Variants in LUZP2 observed in about 807,000 individuals in gnomAD.
LUZP2 encodes the protein leucine zipper protein 2.
In LUZP2, 52 loss-of-function variants were observed where a neutral mutation model predicts 51.6. That is an observed-to-expected ratio of 1.01 (90% CI 0.81 to 1.27). The LOEUF (loss-of-function observed/expected upper bound fraction) is 1.27, where lower values mean the gene tolerates loss of function less well. Among genes scored for constraint, LUZP2 ranks in the 50% most tolerant of loss-of-function variants. The pLI, the probability that LUZP2 is intolerant of heterozygous loss-of-function variation, is 0.00. For synonymous variants in LUZP2, 154 were observed against 137.3 expected, an observed-to-expected ratio of 1.12 and a Z score of -0.85; for missense variants, 436 against 395.4, an observed-to-expected ratio of 1.10 and a Z score of -0.87.
At chr11:24,637,372 A>G (rs1342136440) in intron 1 of LUZP2, among the ~76,000 whole-genome samples, 1 of 151,846 alleles carries the variant, frequency 6.6e-6, no homozygotes, top group Non-Finnish European at 1.5e-5. Flanking sequence ...AGTTAACTGT[A>G]CAAATTGTTG....
chr11:25,008,265 G>T (rs1407479164), intron 9 of LUZP2, among the ~76,000 whole-genome samples: 7 of 152,184 alleles, frequency 4.6e-5, no homozygotes, highest in African/African-American at 1.7e-4. Context: ...TTTCATGTTG[G>T]TCAATGGTGG....
chr11:24,691,311 C>A (rs1397367008), intron 1 of LUZP2, among the ~76,000 whole-genome samples: 1 of 151,970 alleles, frequency 6.6e-6, no homozygotes, highest in African/African-American at 2.4e-5. Flanking sequence ...TTTACATATT[C>A]ATCTCTAAGC....
At chr11:24,601,052 C>T (rs978769701) in intron 1 of LUZP2, among the ~76,000 whole-genome samples, 1 of 151,996 alleles carries the variant, frequency 6.6e-6, no homozygotes, top group African/African-American at 2.4e-5. Context: ...AAACCTTTCT[C>T]TTAGATGAAA....
intron 1 of LUZP2, among the ~76,000 whole-genome samples, chr11:24,602,054 A>G (rs1441490656): frequency 2.1e-5 from 3 of 143,958 alleles, no homozygotes; most frequent in Non-Finnish European, 4.5e-5. Context: ...ATATATGTGT[A>G]TATATGTGTA....
At chr11:24,662,537 A>G (rs1352394533) in intron 1 of LUZP2, among the ~76,000 whole-genome samples, 1 of 152,136 alleles carries the variant, frequency 6.6e-6, no homozygotes, top group African/African-American at 2.4e-5. Context: ...ACATCATTCT[A>G]TAAAGTTTTC....
At chr11:25,049,578 TTAATA>T (rs1315254882) in intron 9 of LUZP2, among the ~76,000 whole-genome samples, 2 of 152,120 alleles carry the variant, frequency 1.3e-5, no homozygotes, top group Non-Finnish European at 2.9e-5. Context: ...CATATTGGAG[TTAATA>T]TAATCCACTA....
intron 10 of LUZP2, among the ~76,000 whole-genome samples, chr11:25,073,959 C>T (rs753309831): frequency 7.9e-5 from 12 of 152,026 alleles, no homozygotes; most frequent in African/African-American, 1.2e-4. Flanking sequence ...CCAAAGAACC[C>T]GAAGCCCAGC....
intron 1 of LUZP2, among the ~76,000 whole-genome samples, chr11:24,708,680 T>C (rs1857699272): frequency 6.6e-6 from 1 of 152,192 alleles, no homozygotes; most frequent in South Asian, 2.1e-4. Flanking sequence ...AAGAGATTCT[T>C]ATTCAGAAGC....
At chr11:25,014,891 A>G (rs1857102447) in intron 9 of LUZP2, among the ~76,000 whole-genome samples, 1 of 152,118 alleles carries the variant, frequency 6.6e-6, no homozygotes, top group Admixed American at 6.6e-5. Flanking sequence ...TAAGTCTAAC[A>G]TTTAAGTCTT....
intron 5 of LUZP2, among the ~76,000 whole-genome samples, chr11:24,766,936 A>G (rs1243212685): frequency 1.3e-5 from 2 of 151,942 alleles, no homozygotes; most frequent in African/African-American, 4.8e-5. Context: ...TAATTTCTAT[A>G]TTTTTAGTAG....
chr11:24,830,641 C>T (rs974060982), intron 5 of LUZP2, among the ~76,000 whole-genome samples: 7 of 151,928 alleles, frequency 4.6e-5, no homozygotes, highest in Non-Finnish European at 8.8e-5. Flanking sequence ...CTATTATTAC[C>T]GCAATTTTAG....
rs570690789 is a variant in LUZP2 at position 24,711,408 on chromosome 11, T to C, written c.63-17761T>C. ...GAGCTTGCAGTGAGCCGAGATGGTG[T>C]CACTGCACTCCAGCCTGGGCGACAG... is the stretch of plus-strand genomic sequence containing the variant. On this transcript the variant is annotated intron_variant, in intron 1 of 11. Coordinates refer to ENST00000336930, the MANE Select transcript of LUZP2 (RefSeq NM_001009909.4). Among the ~76,000 whole-genome samples the C allele has an allele frequency of 1.3e-3, 200 of 151,796 alleles. 2 individuals are homozygous for C. The highest frequency in any genetic ancestry group is 3.7e-3 in the South Asian group (18 of 4,810).
At chr11:24,767,667 C>T (rs912052446) in intron 5 of LUZP2, among the ~76,000 whole-genome samples, 1 of 152,076 alleles carries the variant, frequency 6.6e-6, no homozygotes, top group Non-Finnish European at 1.5e-5. Context: ...CTTACAAAGC[C>T]TAACTGGCTT....
intron 1 of LUZP2, among the ~76,000 whole-genome samples, chr11:24,572,954 T>C (rs1282171330): frequency 1.3e-5 from 2 of 152,036 alleles, no homozygotes; most frequent in Non-Finnish European, 2.9e-5. Context: ...AGCTTAGATA[T>C]CACGTACAAT....
intron 1 of LUZP2, among the ~76,000 whole-genome samples, chr11:24,694,425 A>G (rs947822212): frequency 3.9e-5 from 6 of 151,962 alleles, no homozygotes; most frequent in Admixed American, 3.3e-4. Flanking sequence ...TTTTGTGTTT[A>G]TTGTTTTCAA....
chr11:24,924,136 G>T (rs1174313960), intron 7 of LUZP2, among the ~76,000 whole-genome samples: 2 of 150,848 alleles, frequency 1.3e-5, no homozygotes, highest in Admixed American at 1.3e-4. Context: ...GGAGTGCAGT[G>T]GCGTGATCTC....
At position 24,738,248 on chromosome 11, in the gene LUZP2, C is replaced by T. The variant is rs1859015568; in HGVS notation, c.279C>T (p.Ala93=). ...QREEMKSLQE[A]LQNQLKETSE... ...AAGAAATGAAGTCTCTTCAGGAGGC[C>T]CTGCAAAATCAGCTTAAGGAGACAT... is the stretch of plus-strand genomic sequence containing the variant. Residue 93 remains alanine, a synonymous_variant, in exon 4 of 12, where the codon GCC becomes GCT. Transcript: ENST00000336930. 6.2e-7 allele frequency: 1 copy of T among 1,611,920 alleles called. No homozygotes were observed. The highest frequency in any genetic ancestry group is 1.3e-5 in the African/African-American group (1 of 74,736).
At chr11:24,949,013 T>A (rs773087631) in intron 7 of LUZP2, among the ~76,000 whole-genome samples, 200 of 151,364 alleles carry the variant, frequency 1.3e-3, no homozygotes, top group Non-Finnish European at 1.9e-3. Context: ...CCCGCAAAAA[T>A]GAAAATAATT....
chr11:24,787,467 T>C, intron 5 of LUZP2, among the ~76,000 whole-genome samples: 1 of 152,192 alleles, frequency 6.6e-6, no homozygotes, highest in East Asian at 1.9e-4. Flanking sequence ...ATTATTATTA[T>C]CATTGGTAAT....
Sources: allele counts gnomAD v4.1 joint callset (sites outside exome capture counted in the v4.1 genomes callset), GRCh38; gene constraint gnomAD v4.1.1; transcripts MANE v1.5; gene names NCBI Gene and HGNC (gene_info 2026-07-23, HGNC 2026-07-21).